XPA: variants seen among roughly 807,000 people sequenced by gnomAD.
The protein encoded by XPA is DNA repair protein complementing XP-A cells.
XPA carries 27 observed loss-of-function variants against 35.7 expected under a neutral mutation model. That is an observed-to-expected ratio of 0.76 (90% CI 0.56 to 1.04). The LOEUF (loss-of-function observed/expected upper bound fraction) is 1.04. Among genes scored for constraint, XPA ranks in the 50% least tolerant of loss-of-function variants. The pLI, the probability that XPA is intolerant of heterozygous loss-of-function variation, is 0.00. For synonymous variants in XPA, 133 were observed against 118.4 expected, an observed-to-expected ratio of 1.12 and a Z score of -0.80; for missense variants, 354 against 342.7, an observed-to-expected ratio of 1.03 and a Z score of -0.26.
chr9:97,693,609 T>C (rs1828955933), intron 2 of XPA, 40 bp downstream of exon 2: 3 of 1,566,080 alleles, frequency 1.9e-6, no homozygotes, highest in Non-Finnish European at 2.6e-6. Context: ...TTACTCAAAA[T>C]AACCAATCTA....
the XPA span, among the ~76,000 whole-genome samples, chr9:97,664,174 C>A: frequency 2.0e-5 from 3 of 151,940 alleles, no homozygotes; most frequent in Admixed American, 2.0e-4. Context: ...GCAACTCTGT[C>A]TCCCAAAAAA....
At chr9:97,665,952 T>TC in the XPA span, among the ~76,000 whole-genome samples, 1 of 152,168 alleles carries the variant, frequency 6.6e-6, no homozygotes, top group African/African-American at 2.4e-5. Flanking sequence ...GAGTGGATCA[T>TC]CATAAAGGTC....
chr9:97,686,822 G>C (rs1828731017), intron 4 of XPA, among the ~76,000 whole-genome samples: 1 of 152,130 alleles, frequency 6.6e-6, no homozygotes, highest in African/African-American at 2.4e-5. Context: ...AGGATTACCT[G>C]AGCCCGGGAG....
downstream of XPA, among the ~76,000 whole-genome samples, chr9:97,674,553 T>C (rs1251244622): frequency 4.6e-5 from 7 of 152,356 alleles, no homozygotes; most frequent in Non-Finnish European, 7.4e-5. Flanking sequence ...AAATAATGCA[T>C]AGACCCAATA....
At chr9:97,656,235 T>A in the XPA span, 2 of 675,270 alleles carry the variant, frequency 3.0e-6, no homozygotes, top group Non-Finnish European at 5.0e-6. Context: ...TAAGAAAAAT[T>A]AGGCAACCAT....
chr9:97,654,942 C>T, the XPA span: 7 of 1,596,012 alleles, frequency 4.4e-6, no homozygotes, highest in Non-Finnish European at 3.4e-6. Flanking sequence ...CCTGTGTAGA[C>T]AGGTACAGTA....
At chr9:97,660,913 T>C in the XPA span, 3 of 1,577,726 alleles carry the variant, frequency 1.9e-6, no homozygotes, top group East Asian at 2.3e-5. Flanking sequence ...AAACCTGATC[T>C]GTCATTCCCC....
chr9:97,671,251 G>T, downstream of XPA: 1 of 1,329,474 alleles, frequency 7.5e-7, no homozygotes, highest in Non-Finnish European at 1.1e-6. Flanking sequence ...AAAATAATTT[G>T]TCTTATTTTT....
chr9:97,695,525 T>C (rs1442409105), intron 1 of XPA, among the ~76,000 whole-genome samples: 1 of 152,136 alleles, frequency 6.6e-6, no homozygotes, highest in Non-Finnish European at 1.5e-5. Flanking sequence ...GTAAACACAA[T>C]GAGAATTAAG....
intron 2 of XPA, among the ~76,000 whole-genome samples, 177 bp from the exon 3 acceptor site, chr9:97,689,816 G>A (rs1267552559): frequency 1.3e-5 from 2 of 151,850 alleles, no homozygotes; most frequent in Non-Finnish European, 2.9e-5. Context: ...AAAAAGAAAA[G>A]GAAGTAACAT....
intron 2 of XPA, among the ~76,000 whole-genome samples, chr9:97,691,396 G>A (rs1293251063): frequency 3.3e-5 from 5 of 152,082 alleles, no homozygotes; most frequent in Non-Finnish European, 5.9e-5. Flanking sequence ...GTTTCTCCCA[G>A]CAAGTCTTTA....
At chr9:97,697,039 C>T (rs1829068741) in intron 1 of XPA, 82 bp downstream of exon 1, 8 of 1,447,202 alleles carry the variant, frequency 5.5e-6, no homozygotes, top group Non-Finnish European at 7.3e-6. Context: ...ACCCCCGGGC[C>T]CCGGGACTCG....
downstream of XPA, chr9:97,671,315 C>A: frequency 4.0e-6 from 3 of 742,820 alleles, no homozygotes; most frequent in South Asian, 1.9e-5. Flanking sequence ...TTAAAGGAAA[C>A]AAAGGGGAAG....
the XPA span, among the ~76,000 whole-genome samples, chr9:97,662,466 GA>G: frequency 6.6e-6 from 1 of 152,178 alleles, no homozygotes; most frequent in African/African-American, 2.4e-5. Context: ...AATGTAAGAA[GA>G]AATTAGAATC....
intron 5 of XPA, among the ~76,000 whole-genome samples, chr9:97,679,360 A>G (rs1828468404): frequency 6.6e-6 from 1 of 152,006 alleles, no homozygotes. Flanking sequence ...GGCCCTTTGT[A>G]TTATTATCCT....
the XPA span, chr9:97,661,104 G>A: frequency 6.2e-7 from 1 of 1,605,710 alleles, no homozygotes; most frequent in Non-Finnish European, 8.5e-7. Context: ...GTGGAACTAT[G>A]TATAGGCCAA....
chr9:97,691,902 T>A (rs200664956), intron 2 of XPA, among the ~76,000 whole-genome samples: 17,678 of 146,136 alleles, frequency 0.12, 3,062 homozygotes, highest in African/African-American at 0.37. Context: ...TATATATATA[T>A]ATATATATAT....
In XPA at chr9:97,697,141, G is replaced by A. The variant is rs778315426; in HGVS notation, c.152C>T (p.Thr51Met). 6.4e-7 allele frequency: 1 copy of A among 1,558,206 alleles called. No homozygotes were observed. Among genetic ancestry groups the A allele is most frequent in the Non-Finnish European group, 8.7e-7 (1 of 1,154,760 alleles). The change falls in exon 1 of 6, where the codon ACG becomes ATG. Residue 51 changes from threonine to methionine, a missense_variant. Coordinates refer to ENST00000375128, the MANE Select transcript of XPA (RefSeq NM_000380.4). ...CAAACCTCCAGTAGCCGCAGCCGCC[G>A]TCGCCGAGTAGGGCCGGGCAGCCAG... ...ARLAARPYSATAAAATGGMAN... is the reference protein window; with the variant it reads ...ARLAARPYSAMAAAATGGMAN...
At chr9:97,669,531 A>G in the XPA span, 3 of 1,194,980 alleles carry the variant, frequency 2.5e-6, no homozygotes, top group Non-Finnish European at 3.7e-6. Context: ...TTTGTCATGA[A>G]TTTTTTTCCA....
Sources: gnomAD v4.1 joint callset for allele counts (sites outside exome capture counted in the v4.1 genomes callset) on GRCh38, gnomAD v4.1.1 for gene constraint, MANE v1.5 for transcripts, NCBI Gene and HGNC (gene_info 2026-07-23, HGNC 2026-07-21) for gene names.